The following RPS6KA2 variants were observed in gnomAD, a reference collection of about 807,000 sequenced individuals.
RPS6KA2 encodes the protein ribosomal protein S6 kinase alpha-2.
RPS6KA2 carries 42 observed loss-of-function variants against 91.8 expected under a neutral mutation model. The ratio of observed to expected loss-of-function variants is 0.46; its 90% CI spans 0.36 to 0.59. The LOEUF is 0.59. Ranked by LOEUF, RPS6KA2 falls within the 20% of genes least tolerant of loss-of-function variation. RPS6KA2 has a pLI of 0.00. For synonymous variants in RPS6KA2, 414 were observed against 393.6 expected (o/e 1.05, Z -0.61); for missense variants, 798 against 978.5 (o/e 0.82, Z 2.46).
At chr6:166,594,514 G>A (rs556328388) in intron 1 of RPS6KA2, among the ~76,000 whole-genome samples, 1 of 152,110 alleles carries the variant, frequency 6.6e-6, no homozygotes, top group Non-Finnish European at 1.5e-5. Flanking sequence ...CCAGGCTGGA[G>A]TGCAGTGGCG....
intron 2 of RPS6KA2, among the ~76,000 whole-genome samples, chr6:166,836,245 A>G (rs1020505478): frequency 4.6e-5 from 7 of 152,028 alleles, no homozygotes; most frequent in African/African-American, 1.7e-4. Flanking sequence ...GGGTTTTAGT[A>G]TCGGGGTAAT....
At chr6:166,824,217 CAAAT>C (rs1446641710) in intron 2 of RPS6KA2, among the ~76,000 whole-genome samples, 1 of 152,146 alleles carries the variant, frequency 6.6e-6, no homozygotes, top group East Asian at 1.9e-4. Flanking sequence ...GACGTCATAG[CAAAT>C]GAATGAATGA....
chr6:166,681,686 GCCCGCCCCCCCC>G (rs1346596837), intron 2 of RPS6KA2, among the ~76,000 whole-genome samples: 2 of 11,622 alleles, frequency 1.7e-4, no homozygotes, highest in Admixed American at 6.2e-4. Context: ...ATCTCCCCCT[GCCCGCCCCCCCC>G]CCCGCCCCCG....
chr6:166,430,734 A>C, intron 15 of RPS6KA2, 123 bp from the exon 16 acceptor site: 2 of 925,160 alleles, frequency 2.2e-6, no homozygotes, highest in Non-Finnish European at 3.1e-6. Context: ...GTCCTATGGG[A>C]GTGCAAACAA....
chr6:166,738,706 C>T (rs1790734338), intron 2 of RPS6KA2, among the ~76,000 whole-genome samples: 1 of 152,186 alleles, frequency 6.6e-6, no homozygotes, highest in South Asian at 2.1e-4. Context: ...TCACTGGATA[C>T]CATGACGTCT....
At chr6:166,833,504 G>T (rs1024697646) in intron 2 of RPS6KA2, among the ~76,000 whole-genome samples, 2 of 152,140 alleles carry the variant, frequency 1.3e-5, no homozygotes, top group South Asian at 2.1e-4. Context: ...GACAACCAAG[G>T]CATGGCACAT....
At chr6:166,567,661 G>GT (rs1784543431) in intron 1 of RPS6KA2, among the ~76,000 whole-genome samples, 1 of 152,184 alleles carries the variant, frequency 6.6e-6, no homozygotes, top group South Asian at 2.1e-4. Context: ...GCATTTCACT[G>GT]TATCACTGAA....
intron 2 of RPS6KA2, among the ~76,000 whole-genome samples, chr6:166,795,438 T>C (rs999642918): frequency 1.1e-4 from 16 of 152,234 alleles, no homozygotes; most frequent in Non-Finnish European, 1.5e-4. Context: ...CAGGTGAACA[T>C]TGACCATGTG....
At chr6:166,719,213 T>C (rs1318876784) in intron 2 of RPS6KA2, among the ~76,000 whole-genome samples, 1 of 152,234 alleles carries the variant, frequency 6.6e-6, no homozygotes, top group African/African-American at 2.4e-5. Context: ...GTGCTTGGAA[T>C]GCACTATTTA....
rs549250111 is a variant in RPS6KA2, at chr6:166,552,598, G to C, written c.100-13814C>G. On this transcript the variant is annotated intron_variant, in intron 1 of 20. Coordinates refer to ENST00000265678, the MANE Select transcript of RPS6KA2 (RefSeq NM_021135.6). ...GCCTTGGCCACATCCCCCAACTGCA[G>C]GTGTCCTGTTCTGCATCTGGACCAC... Among the ~76,000 whole-genome samples the C allele has an allele frequency of 2.3e-4, 35 of 152,248 alleles. No individual in the cohort carries two copies. In the South Asian group the frequency reaches 4.6e-3, roughly 20 times the overall value.
intron 2 of RPS6KA2, among the ~76,000 whole-genome samples, chr6:166,746,247 C>A (rs1191410641): frequency 6.6e-6 from 1 of 152,228 alleles, no homozygotes; most frequent in African/African-American, 2.4e-5. Context: ...TGAGCTCCTG[C>A]ACCCCTGCAC....
At chr6:166,731,058 C>G (rs1399222144) in intron 2 of RPS6KA2, among the ~76,000 whole-genome samples, 2 of 152,150 alleles carry the variant, frequency 1.3e-5, no homozygotes, top group African/African-American at 4.8e-5. Context: ...GCCTGACCAA[C>G]ATGGTGAAAC....
At chr6:166,801,084 T>A (rs1779353524) in intron 2 of RPS6KA2, among the ~76,000 whole-genome samples, 1 of 152,240 alleles carries the variant, frequency 6.6e-6, no homozygotes, top group African/African-American at 2.4e-5. Flanking sequence ...CCATGGTATG[T>A]GCACTTTTGT....
At chr6:166,659,205 A>C (rs1429420565) in intron 2 of RPS6KA2, among the ~76,000 whole-genome samples, 1 of 152,232 alleles carries the variant, frequency 6.6e-6, no homozygotes, top group African/African-American at 2.4e-5. Flanking sequence ...AATTAAGACA[A>C]AAAGTGCCAT....
At chr6:166,817,464 C>T (rs576356990) in intron 2 of RPS6KA2, among the ~76,000 whole-genome samples, 2 of 152,226 alleles carry the variant, frequency 1.3e-5, no homozygotes, top group East Asian at 3.9e-4. Context: ...AGAGATATCT[C>T]CATGTAAATT....
intron 14 of RPS6KA2, among the ~76,000 whole-genome samples, chr6:166,444,779 C>T (rs1438409686): frequency 1.3e-5 from 2 of 152,218 alleles, no homozygotes; most frequent in African/African-American, 4.8e-5. Flanking sequence ...GTGAATTGAG[C>T]CCCTGCTCTA....
chr6:166,506,811 G>C (rs984316773), intron 5 of RPS6KA2, among the ~76,000 whole-genome samples: 1 of 152,146 alleles, frequency 6.6e-6, no homozygotes, highest in Admixed American at 6.5e-5. Flanking sequence ...GGGGTGTGAA[G>C]GCCACTGTTG....
At chr6:166,760,479 TG>T in intron 2 of RPS6KA2, among the ~76,000 whole-genome samples, 1 of 152,362 alleles carries the variant, frequency 6.6e-6, no homozygotes, top group East Asian at 1.9e-4. Flanking sequence ...ACAGAGTATG[TG>T]GGCACCGCCC....
At chr6:166,765,612 C>T (rs984900163) in intron 2 of RPS6KA2, among the ~76,000 whole-genome samples, 1 of 152,132 alleles carries the variant, frequency 6.6e-6, no homozygotes, top group South Asian at 2.1e-4. Context: ...TCTGAGACCT[C>T]GATGTAGAAA....
Sources: gnomAD v4.1 joint callset for allele counts (sites outside exome capture counted in the v4.1 genomes callset) on GRCh38, gnomAD v4.1.1 for gene constraint, MANE v1.5 for transcripts, NCBI Gene and HGNC (gene_info 2026-07-23, HGNC 2026-07-21) for gene names.